Variants in CSMD2 observed in about 807,000 individuals in gnomAD.
The protein encoded by CSMD2 is CUB and Sushi multiple domains 2.
A neutral mutation model predicts 398.5 loss-of-function variants in CSMD2; 130 were observed. That is an observed-to-expected ratio of 0.33 (90% CI 0.28 to 0.38). CSMD2 has a LOEUF of 0.38. CSMD2 is among the 10% of genes least tolerant of loss of function. CSMD2 has a pLI of 1.00. For synonymous variants in CSMD2, 1,828 were observed against 1,908.5 expected, an observed-to-expected ratio of 0.96 and a Z score of 1.10; for missense variants, 3,829 against 4,764.9, an observed-to-expected ratio of 0.80 and a Z score of 5.78.
chr1:33,557,588 G>C (rs982608574), intron 55 of CSMD2, 146 bp downstream of exon 55: 1 of 751,086 alleles, frequency 1.3e-6, no homozygotes, highest in Non-Finnish European at 2.1e-6. Flanking sequence ...CAGAGTGACT[G>C]TCACCATAAG....
intron 3 of CSMD2, among the ~76,000 whole-genome samples, chr1:33,937,754 T>G (rs1307673793): frequency 6.6e-6 from 1 of 152,198 alleles, no homozygotes; most frequent in East Asian, 1.9e-4. Context: ...CTCTGAGCCT[T>G]AGTTTCTTCA....
chr1:33,871,836 C>G (rs534066565), intron 5 of CSMD2, among the ~76,000 whole-genome samples: 2 of 152,200 alleles, frequency 1.3e-5, no homozygotes, highest in East Asian at 1.9e-4. Context: ...AGGCTGGGCT[C>G]GAACTCCTGA....
At chr1:34,150,437 C>G (rs762017426) in intron 1 of CSMD2, among the ~76,000 whole-genome samples, 1 of 152,128 alleles carries the variant, frequency 6.6e-6, no homozygotes, top group African/African-American at 2.4e-5. Context: ...CCTATGGGCT[C>G]TAGAATTAGA....
chr1:33,806,732 A>G (rs367609580), intron 10 of CSMD2, among the ~76,000 whole-genome samples: 3 of 152,242 alleles, frequency 2.0e-5, no homozygotes, highest in Admixed American at 6.5e-5. Flanking sequence ...AAAAAGAATC[A>G]AATAGGGCTT....
intron 13 of CSMD2, 91 bp from the exon 14 acceptor site, chr1:33,743,697 A>G: frequency 2.2e-6 from 2 of 930,012 alleles, no homozygotes; most frequent in Non-Finnish European, 3.2e-6. Context: ...TTCTTAGTCT[A>G]AAAAGCAACA....
intron 5 of CSMD2, among the ~76,000 whole-genome samples, chr1:33,917,319 C>T (rs565691768): frequency 6.6e-6 from 1 of 152,314 alleles, no homozygotes; most frequent in East Asian, 1.9e-4. Flanking sequence ...TCCTCATGTG[C>T]TAACAAAAGT....
At chr1:33,864,302 CT>C (rs1639789072) in intron 5 of CSMD2, 1 of 1,613,736 alleles carries the variant, frequency 6.2e-7, no homozygotes, top group African/African-American at 1.3e-5. Flanking sequence ...CCTATGTTGG[CT>C]TTAAAGAGTT....
chr1:34,098,772 A>G (rs1237810399), intron 1 of CSMD2, among the ~76,000 whole-genome samples: 2 of 152,206 alleles, frequency 1.3e-5, no homozygotes, highest in Non-Finnish European at 2.9e-5. Flanking sequence ...TAACTTCCAG[A>G]TGGAGCAAAG....
intron 29 of CSMD2, among the ~76,000 whole-genome samples, chr1:33,645,759 T>C (rs754169570): frequency 6.6e-6 from 1 of 152,210 alleles, no homozygotes; most frequent in Admixed American, 6.5e-5. Context: ...CCTACCATCG[T>C]TTTATAAAGG....
chr1:33,860,133 T>TC (rs1381454183), intron 5 of CSMD2, among the ~76,000 whole-genome samples: 1 of 152,140 alleles, frequency 6.6e-6, no homozygotes, highest in Non-Finnish European at 1.5e-5. Context: ...TATTCAGATT[T>TC]CCCCAGATTT....
chr1:33,680,680 T>TC (rs1350670511), intron 25 of CSMD2, among the ~76,000 whole-genome samples: 1 of 151,948 alleles, frequency 6.6e-6, no homozygotes, highest in East Asian at 1.9e-4. Context: ...CTGCCTCCTC[T>TC]CCCCCCATTC....
intron 48 of CSMD2, among the ~76,000 whole-genome samples, chr1:33,580,175 A>G (rs1638592639): frequency 6.6e-6 from 1 of 152,220 alleles, no homozygotes; most frequent in Non-Finnish European, 1.5e-5. Flanking sequence ...GTGGGCATCA[A>G]GCACCTTGTG....
intron 13 of CSMD2, among the ~76,000 whole-genome samples, chr1:33,770,098 C>T (rs1651061108): frequency 1.3e-5 from 2 of 152,198 alleles, no homozygotes; most frequent in Non-Finnish European, 2.9e-5. Flanking sequence ...CTGTAATGAT[C>T]CACTTTCAAA....
intron 22 of CSMD2, among the ~76,000 whole-genome samples, chr1:33,707,401 C>T (rs1392231564): frequency 6.6e-6 from 1 of 152,186 alleles, no homozygotes; most frequent in African/African-American, 2.4e-5. Flanking sequence ...ACTGATTGCA[C>T]CCTCTGAGAC....
intron 1 of CSMD2, among the ~76,000 whole-genome samples, chr1:34,142,640 A>G (rs1639409680): frequency 6.6e-6 from 1 of 152,236 alleles, no homozygotes; most frequent in African/African-American, 2.4e-5. Context: ...TGTTCCACTC[A>G]GCAGCATGGG....
chr1:33,636,927 G>A lies in CSMD2; in HGVS notation c.4775-373C>T, dbSNP rs905519633. ...GTCCCTGGACCACATCTCAGCTGCC[G>A]GCAGGGTCACTGTGGTAAAGGTCAG... On this transcript the variant is annotated intron_variant, in intron 29 of 70. Transcript: ENST00000373381. This position sits in a 1 kb window ranked among gnomAD's most constrained non-coding sequence, Gnocchi z 4.8. 6.6e-6 allele frequency among the ~76,000 whole-genome samples: 1 copy of A among 152,088 alleles called. No individual in the cohort carries two copies. The highest frequency in any genetic ancestry group is 2.4e-5 in the African/African-American group (1 of 41,404).
chr1:33,583,745 C>T lies in CSMD2; in HGVS notation c.7137G>A (p.Gln2379=). ...CCACTCTCACCAGCCAAGAGCAGGTCTGGAACTGGGGATAGCTTCCAGGGT... is the reference window on the plus strand; with the variant it reads ...CCACTCTCACCAGCCAAGAGCAGGTTTGGAACTGGGGATAGCTTCCAGGGT... ...QSYPGSYPQF[Q]TCSWLVRVEP... is the part of the protein sequence containing the mutation. The change falls in exon 47 of 71, where the codon CAG becomes CAA. Residue 2379 remains glutamine, a synonymous_variant. Transcript: ENST00000373381. The T allele has an allele frequency of 1.2e-6, 2 of 1,614,198 alleles. No homozygotes were observed. The highest frequency in any genetic ancestry group is 1.7e-6 in the Non-Finnish European group (2 of 1,180,028).
intron 1 of CSMD2, among the ~76,000 whole-genome samples, chr1:34,160,433 C>A (rs751361385): frequency 6.6e-6 from 1 of 152,140 alleles, no homozygotes; most frequent in African/African-American, 2.4e-5. Context: ...GTTCTAGAAC[C>A]TAGGGAACTG....
At chr1:33,694,628 C>T (rs1408718095) in intron 24 of CSMD2, among the ~76,000 whole-genome samples, 1 of 152,164 alleles carries the variant, frequency 6.6e-6, no homozygotes, top group Non-Finnish European at 1.5e-5. Flanking sequence ...TTGTATGTTT[C>T]CTGAGGCTTC....
Sources: allele counts gnomAD v4.1 joint callset (sites outside exome capture counted in the v4.1 genomes callset), GRCh38; gene constraint gnomAD v4.1.1; non-coding constraint Gnocchi (gnomAD v3.1); transcripts MANE v1.5; gene names NCBI Gene and HGNC (gene_info 2026-07-23, HGNC 2026-07-21).